BMP5: variants seen among roughly 807,000 people sequenced by gnomAD.
BMP5 encodes bone morphogenetic protein 5.
In BMP5, 23 loss-of-function variants were observed where a neutral mutation model predicts 46.6. That is an observed-to-expected ratio of 0.49 (90% CI 0.35 to 0.70). The LOEUF (loss-of-function observed/expected upper bound fraction) is 0.70, where lower values mean the gene tolerates loss of function less well. Among genes scored for constraint, BMP5 ranks in the 30% least tolerant of loss-of-function variants. The probability of loss-of-function intolerance (pLI) is 0.00; values close to 1 mark genes in which losing one functional copy is unlikely to be tolerated. For missense variants in BMP5, 545 were observed against 565.6 expected (o/e 0.96, Z 0.37); for synonymous variants, 204 against 191.9 (o/e 1.06, Z -0.52).
chr6:55,845,232 T>C (rs1777070973), intron 1 of BMP5, among the ~76,000 whole-genome samples: 1 of 152,062 alleles, frequency 6.6e-6, no homozygotes, highest in South Asian at 2.1e-4. Context: ...GAAATTTCAG[T>C]TTCATAACTA....
chr6:55,836,022 A>C (rs185832903), intron 1 of BMP5, among the ~76,000 whole-genome samples: 1 of 152,312 alleles, frequency 6.6e-6, no homozygotes, highest in Admixed American at 6.5e-5. Flanking sequence ...ATAAAATCAT[A>C]ACATCATCTA....
At chr6:55,793,568 T>C (rs1314815141) in intron 3 of BMP5, among the ~76,000 whole-genome samples, 1 of 152,198 alleles carries the variant, frequency 6.6e-6, no homozygotes, top group African/African-American at 2.4e-5. Flanking sequence ...TGTGTCACTA[T>C]TTTTCAGTAT....
chr6:55,826,989 T>C lies in BMP5; in HGVS notation c.491-7142A>G, dbSNP rs534076185. Reference sequence around the variant, plus strand: ...GTTTTCCTATTCCATTCCAGAACAATGTTTCTGCTTTAGCCTTACTCCCAA... The same window carrying C: ...GTTTTCCTATTCCATTCCAGAACAACGTTTCTGCTTTAGCCTTACTCCCAA... On this transcript the variant is annotated intron_variant, in intron 1 of 6. Transcript: ENST00000370830. 5.4e-4 allele frequency among the ~76,000 whole-genome samples: 82 copies of C among 151,876 alleles called. 1 individual carries two copies. In the South Asian group the frequency reaches 0.017, roughly 31 times the overall value.
intron 1 of BMP5, among the ~76,000 whole-genome samples, chr6:55,841,278 TA>T (rs1178283430): frequency 2.6e-5 from 4 of 152,146 alleles, no homozygotes; most frequent in African/African-American, 4.8e-5. Context: ...AATTTTCAGT[TA>T]TTTTTTTCTA....
At chr6:55,846,825 A>G (rs1332854031) in intron 1 of BMP5, among the ~76,000 whole-genome samples, 1 of 151,080 alleles carries the variant, frequency 6.6e-6, no homozygotes, top group Non-Finnish European at 1.5e-5. Flanking sequence ...ATATTCAAAT[A>G]TATAATATTT....
At chr6:55,831,919 C>T (rs1776673655) in intron 1 of BMP5, among the ~76,000 whole-genome samples, 1 of 151,962 alleles carries the variant, frequency 6.6e-6, no homozygotes, top group African/African-American at 2.4e-5. Flanking sequence ...AAGACAAAGA[C>T]ATGGGTAACA....
At chr6:55,842,274 T>G (rs1776980852) in intron 1 of BMP5, among the ~76,000 whole-genome samples, 1 of 152,158 alleles carries the variant, frequency 6.6e-6, no homozygotes, top group South Asian at 2.1e-4. Context: ...GTATCTTTAC[T>G]CCTAAGATGT....
In BMP5 at chr6:55,794,396, T is replaced by G. The variant is rs1775655635; in HGVS notation, c.715A>C (p.Lys239Gln). Residue 239 changes from lysine to glutamine, a missense_variant, in exon 3 of 7, where the codon AAG (lysine) becomes CAG (glutamine). Coordinates refer to ENST00000370830, the MANE Select transcript of BMP5 (RefSeq NM_021073.4). ...CAACCCACATCTAAAGCTTGGGCCT[T>G]TCTTGTGTCTAACAAGAACAGATCT... ...DADLFLLDTR[K>Q]AQALDVGWLV... is the part of the protein sequence containing the mutation. 1 of 1,614,022 alleles carries G rather than the reference T, an allele frequency of 6.2e-7. No homozygotes were observed. Among genetic ancestry groups the G allele is most frequent in the African/African-American group, 1.3e-5 (1 of 75,056 alleles).
intron 1 of BMP5, among the ~76,000 whole-genome samples, chr6:55,869,818 C>T (rs555182233): frequency 6.6e-6 from 1 of 152,248 alleles, no homozygotes; most frequent in South Asian, 2.1e-4. Context: ...GTGGAGGCTG[C>T]AGTTGGCACA....
At chr6:55,758,273 T>C (rs1232197401) in intron 6 of BMP5, among the ~76,000 whole-genome samples, 1 of 151,908 alleles carries the variant, frequency 6.6e-6, no homozygotes, top group Non-Finnish European at 1.5e-5. Context: ...TAGGAGCCTC[T>C]CATTTAGTCT....
chr6:55,770,687 A>G lies in BMP5; in HGVS notation c.1027+3362T>C, dbSNP rs1439033719. 2.0e-5 allele frequency among the ~76,000 whole-genome samples: 3 copies of G among 152,088 alleles called. No individual in the cohort carries two copies. The East Asian group carries it at 5.8e-4, about 30-fold the overall frequency. Reference sequence around the variant, plus strand: ...GACTTTCAACATACCTTCCTCAATAAGCGTAATCATTACTAGCTTTTGATT... The same window carrying G: ...GACTTTCAACATACCTTCCTCAATAGGCGTAATCATTACTAGCTTTTGATT... On this transcript the variant is annotated intron_variant, in intron 4 of 6. Transcript: ENST00000370830.
At chr6:55,799,851 C>G (rs1775801549) in intron 2 of BMP5, among the ~76,000 whole-genome samples, 1 of 152,154 alleles carries the variant, frequency 6.6e-6, no homozygotes, top group Non-Finnish European at 1.5e-5. Flanking sequence ...TTTTGTCAGC[C>G]TGTCTCTTCA....
intron 3 of BMP5, among the ~76,000 whole-genome samples, chr6:55,787,995 C>G (rs1423019342): frequency 6.6e-6 from 1 of 151,568 alleles, no homozygotes; most frequent in Non-Finnish European, 1.5e-5. Flanking sequence ...GGACCCTACT[C>G]TTTATCAAAG....
intron 2 of BMP5, among the ~76,000 whole-genome samples, chr6:55,794,901 T>G (rs1775668067): frequency 6.6e-6 from 1 of 152,044 alleles, no homozygotes; most frequent in Admixed American, 6.5e-5. Context: ...TTTTCTATTT[T>G]TATTATATAA....
chr6:55,766,923 C>T (rs1035498555), intron 4 of BMP5, among the ~76,000 whole-genome samples: 1 of 151,788 alleles, frequency 6.6e-6, no homozygotes, highest in Non-Finnish European at 1.5e-5. Flanking sequence ...CAGATAAGTC[C>T]CTCATGTAGT....
At chr6:55,813,926 G>T (rs1367353686) in intron 2 of BMP5, among the ~76,000 whole-genome samples, 1 of 151,762 alleles carries the variant, frequency 6.6e-6, no homozygotes, top group Non-Finnish European at 1.5e-5. Context: ...ACATGAATCC[G>T]TCTACATCTG....
At chr6:55,843,365 C>A (rs906701531) in intron 1 of BMP5, among the ~76,000 whole-genome samples, 1 of 152,030 alleles carries the variant, frequency 6.6e-6, no homozygotes, top group African/African-American at 2.4e-5. Context: ...ATAAAAACTA[C>A]TTTAAGATTA....
At chr6:55,811,730 A>G (rs1776140000) in intron 2 of BMP5, among the ~76,000 whole-genome samples, 1 of 142,792 alleles carries the variant, frequency 7.0e-6, no homozygotes. Flanking sequence ...TTCTTTCCCC[A>G]TTTGTTGTTT....
At chr6:55,852,338 G>A (rs1472474237) in intron 1 of BMP5, among the ~76,000 whole-genome samples, 1 of 151,950 alleles carries the variant, frequency 6.6e-6, no homozygotes, top group Non-Finnish European at 1.5e-5. Context: ...CAGATTGATA[G>A]TAAATCTATA....
Sources: allele counts gnomAD v4.1 joint callset (sites outside exome capture counted in the v4.1 genomes callset), GRCh38; gene constraint gnomAD v4.1.1; transcripts MANE v1.5; gene names NCBI Gene and HGNC (gene_info 2026-07-23, HGNC 2026-07-21).